The following TNIK variants were observed in gnomAD, a reference collection of about 807,000 sequenced individuals.
TNIK encodes TRAF2 and NCK interacting kinase.
TNIK carries 49 observed loss-of-function variants against 191.3 expected under a neutral mutation model. The observed-to-expected ratio is 0.26, with a 90% CI of 0.20 to 0.32. The LOEUF is 0.32. Ranked by LOEUF, TNIK falls within the 10% of genes least tolerant of loss-of-function variation. The probability of loss-of-function intolerance (pLI) is 1.00; values close to 1 mark genes in which losing one functional copy is unlikely to be tolerated. For missense variants in TNIK, 1,155 were observed against 1,702.3 expected (o/e 0.68, Z 5.66); for synonymous variants, 594 against 600.9 (o/e 0.99, Z 0.17).
intron 2 of TNIK, among the ~76,000 whole-genome samples, chr3:171,258,980 TCTC>T (rs780376818): frequency 1.3e-5 from 2 of 152,126 alleles, no homozygotes; most frequent in Admixed American, 6.5e-5. Flanking sequence ...AAATTTGACT[TCTC>T]CTTACAAATA....
Position 171,325,335 on chromosome 3 carries a change from G to C in TNIK, c.123+44285C>G, listed in dbSNP as rs769642734. 1.4e-4 allele frequency among the ~76,000 whole-genome samples: 22 copies of C among 152,050 alleles called. 1 individual carries two copies. The highest frequency in any genetic ancestry group is 2.6e-4 in the Non-Finnish European group (18 of 67,986). On this transcript the variant is annotated intron_variant, in intron 2 of 32. Transcript: ENST00000436636. ...TTGCTGACTAGTGGCTACGTCTAGG[G>C]ATTAAGAAGCTCTGGACATCTGAGT...
At position 171,062,626 on chromosome 3, in the gene TNIK, T is replaced by C. The variant is rs796998511; in HGVS notation, c.*1255A>G. ...GTAATTTGGAGGAAGGTAAAGTGAT[T>C]AGGGTCTCAAAATTTTGTCCAAAGC... On this transcript the variant is annotated 3_prime_UTR_variant, in exon 33 of 33. Transcript: ENST00000436636. 5.1e-4 allele frequency: 77 copies of C among 152,296 alleles called. 1 individual carries two copies. The highest frequency in any genetic ancestry group is 1.7e-3 in the African/African-American group (72 of 41,580). 9.4% of individuals were successfully genotyped at this position (152,296 alleles called of 1,614,324 possible).
intron 1 of TNIK, among the ~76,000 whole-genome samples, chr3:171,385,243 A>G (rs1244798728): frequency 6.6e-6 from 1 of 152,064 alleles, no homozygotes; most frequent in African/African-American, 2.4e-5. Context: ...ATACTGGGAT[A>G]GGAGTGGGAG....
intron 20 of TNIK, among the ~76,000 whole-genome samples, chr3:171,107,535 T>C (rs1725100642): frequency 1.3e-5 from 2 of 152,222 alleles, no homozygotes; most frequent in Admixed American, 1.3e-4. Context: ...TACTCCTCTT[T>C]AAGGCTACCT....
At chr3:171,098,614 T>C (rs1046039698) in intron 22 of TNIK, among the ~76,000 whole-genome samples, 9 of 152,188 alleles carry the variant, frequency 5.9e-5, no homozygotes, top group Non-Finnish European at 1.2e-4. Context: ...TGGCTGGTGC[T>C]CCATTTCTGA....
chr3:171,104,733 A>G (rs959260734), intron 21 of TNIK, among the ~76,000 whole-genome samples: 2 of 151,964 alleles, frequency 1.3e-5, no homozygotes, highest in African/African-American at 4.8e-5. Flanking sequence ...GTATTAAACT[A>G]TTTTCTTTTT....
chr3:171,178,644 T>G (rs570101183), intron 7 of TNIK, among the ~76,000 whole-genome samples: 1 of 152,288 alleles, frequency 6.6e-6, no homozygotes, highest in East Asian at 1.9e-4. Context: ...AAAACCTGGT[T>G]AGAAAACACC....
Position 171,058,502 on chromosome 3 carries a change from A to G in TNIK, c.*5379T>C, listed in dbSNP as rs1432978585. 6.6e-6 allele frequency among the ~76,000 whole-genome samples: 1 copy of G among 152,212 alleles called. No homozygotes were observed. The highest frequency in any genetic ancestry group is 6.5e-5 in the Admixed American group (1 of 15,274). ...AGTTACCATGTGGGGAAACCTATCAAAGCATTTTTAATGACTGCTTAGAAT... is the reference window on the plus strand; with the variant it reads ...AGTTACCATGTGGGGAAACCTATCAGAGCATTTTTAATGACTGCTTAGAAT... On this transcript the variant is annotated 3_prime_UTR_variant, in exon 33 of 33. Coordinates refer to ENST00000436636, the MANE Select transcript of TNIK (RefSeq NM_015028.4).
chr3:171,158,678 C>G (rs116479607), intron 11 of TNIK, among the ~76,000 whole-genome samples: 4,668 of 152,330 alleles, frequency 0.031, 245 homozygotes, highest in African/African-American at 0.1. Flanking sequence ...TAGATAAATT[C>G]TCCCTTTAAA....
chr3:171,318,696 A>G (rs1399332484), intron 2 of TNIK, among the ~76,000 whole-genome samples: 1 of 152,172 alleles, frequency 6.6e-6, no homozygotes, highest in African/African-American at 2.4e-5. Flanking sequence ...ATTGAAAAAA[A>G]GCAACTTTGA....
At chr3:171,097,708 G>T (rs1722917145) in intron 22 of TNIK, among the ~76,000 whole-genome samples, 2 of 152,192 alleles carry the variant, frequency 1.3e-5, no homozygotes, top group Admixed American at 1.3e-4. Context: ...GGAACTGTGA[G>T]TCCATTAAAC....
At chr3:171,158,922 A>T (rs1733591520) in intron 11 of TNIK, among the ~76,000 whole-genome samples, 2 of 152,168 alleles carry the variant, frequency 1.3e-5, no homozygotes, top group Admixed American at 1.3e-4. Context: ...AGAGGAAAAC[A>T]GGGGTGCACC....
At chr3:171,198,262 CA>C (rs35713743) in intron 4 of TNIK, among the ~76,000 whole-genome samples, 60,446 of 142,652 alleles carry the variant, frequency 0.42, 12,498 homozygotes, top group Middle Eastern at 0.55. Flanking sequence ...GACTCCGTCT[CA>C]AAAAAAAAAA....
intron 7 of TNIK, among the ~76,000 whole-genome samples, chr3:171,182,053 C>G (rs1377026404): frequency 2.0e-5 from 3 of 152,136 alleles, no homozygotes; most frequent in African/African-American, 7.2e-5. Flanking sequence ...CACCAGAACA[C>G]CCCTTTCAAA....
intron 2 of TNIK, among the ~76,000 whole-genome samples, chr3:171,352,169 C>A (rs1713311949): frequency 6.6e-6 from 1 of 152,200 alleles, no homozygotes; most frequent in African/African-American, 2.4e-5. Flanking sequence ...GGGTCTAGTT[C>A]ATACACAAAT....
intron 2 of TNIK, among the ~76,000 whole-genome samples, chr3:171,265,428 T>G (rs1427160580): frequency 6.6e-6 from 1 of 152,232 alleles, no homozygotes. Flanking sequence ...TAGAAGAGCC[T>G]TCTCAGTGGA....
chr3:171,185,250 A>C (rs1054654360), intron 7 of TNIK, among the ~76,000 whole-genome samples: 7 of 149,872 alleles, frequency 4.7e-5, no homozygotes, highest in Admixed American at 2.7e-4. Context: ...AGACTACATT[A>C]TGTGTACTAT....
intron 2 of TNIK, 47 bp from the exon 3 acceptor site, chr3:171,228,268 A>G (rs569059438): frequency 5.0e-6 from 8 of 1,607,936 alleles, no homozygotes; most frequent in East Asian, 4.5e-5. Context: ...GATGATGAAT[A>G]GTAGCATTCA....
chr3:171,290,643 A>G (rs1751582418), intron 2 of TNIK, among the ~76,000 whole-genome samples: 1 of 152,238 alleles, frequency 6.6e-6, no homozygotes, highest in Non-Finnish European at 1.5e-5. Flanking sequence ...GTAATTTGCC[A>G]GAATCTTATC....
Sources: gnomAD v4.1 joint callset for allele counts (sites outside exome capture counted in the v4.1 genomes callset) on GRCh38, gnomAD v4.1.1 for gene constraint, MANE v1.5 for transcripts, NCBI Gene and HGNC (gene_info 2026-07-23, HGNC 2026-07-21) for gene names.